Variants in PI4KA observed in about 807,000 individuals in gnomAD.
PI4KA encodes the protein phosphatidylinositol 4-kinase alpha.
Under a neutral mutation model 271.4 loss-of-function variants are expected in PI4KA, and 122 were observed. That is an observed-to-expected ratio of 0.45 (90% confidence interval 0.39 to 0.52). PI4KA has a LOEUF of 0.52. Ranked by LOEUF, PI4KA falls within the 20% of genes least tolerant of loss-of-function variation. The pLI is 0.00. For missense variants in PI4KA, 1,969 were observed against 2,769.1 expected (o/e 0.71, Z 6.48); for synonymous variants, 1,041 against 1,078.8 (o/e 0.96, Z 0.69).
At chr22:20,735,755 G>A (rs2147259426) in intron 32 of PI4KA, among the ~76,000 whole-genome samples, 1 of 152,366 alleles carries the variant, frequency 6.6e-6, no homozygotes, top group African/African-American at 2.4e-5. Flanking sequence ...TCTGTCTGCT[G>A]CTTCCCTCTA....
chr22:20,847,139 C>T (rs1315650200), intron 1 of PI4KA, among the ~76,000 whole-genome samples: 1 of 146,894 alleles, frequency 6.8e-6, no homozygotes, highest in African/African-American at 2.5e-5. Context: ...CAGAGCAAGA[C>T]TCCATCTCAA....
At chr22:20,784,370 A>G (rs897519922) in intron 19 of PI4KA, 185 of 1,290,136 alleles carry the variant, frequency 1.4e-4, no homozygotes, top group Non-Finnish European at 1.9e-4. Context: ...ACTTCCATAC[A>G]GGGCCACTCT....
At chr22:20,807,487 T>C (rs373234753) in intron 9 of PI4KA, 29 bp from the exon 10 acceptor site, 255 of 1,368,704 alleles carry the variant, frequency 1.9e-4, no homozygotes, top group Non-Finnish European at 2.2e-4. Flanking sequence ...CACATGACTA[T>C]AGAACAGAAA....
At chr22:20,848,618 C>G (rs148629728) in intron 1 of PI4KA, among the ~76,000 whole-genome samples, 43 of 152,180 alleles carry the variant, frequency 2.8e-4, no homozygotes, top group Non-Finnish European at 4.9e-4. Flanking sequence ...CGTGCTGAGA[C>G]AACTGGATAT....
chr22:20,725,796 G>T, intron 42 of PI4KA: 1 of 291,156 alleles, frequency 3.4e-6, no homozygotes. Flanking sequence ...CTTGGGAGGG[G>T]TAGCGGGGAA....
At chr22:20,806,628 T>C (rs553522579) in intron 10 of PI4KA, among the ~76,000 whole-genome samples, 2 of 151,494 alleles carry the variant, frequency 1.3e-5, no homozygotes, top group East Asian at 4.0e-4. Flanking sequence ...CCCCAGATCA[T>C]GCCAATGCAC....
chr22:20,824,009 C>T (rs1923051448), intron 4 of PI4KA, among the ~76,000 whole-genome samples: 1 of 151,862 alleles, frequency 6.6e-6, no homozygotes. Context: ...AATGAGCTGC[C>T]TCTGCCTTTT....
chr22:20,771,915 T>C (rs1261380459), intron 19 of PI4KA, among the ~76,000 whole-genome samples: 2 of 151,916 alleles, frequency 1.3e-5, no homozygotes, highest in Non-Finnish European at 1.5e-5. Flanking sequence ...AAGTAATACA[T>C]ACACATAGAA....
chr22:20,708,101 G>A lies in PI4KA; in HGVS notation c.6258-3C>T, dbSNP rs1924737274. The A allele has an allele frequency of 6.2e-7, 1 of 1,613,224 alleles. No homozygotes were observed. The highest frequency in any genetic ancestry group is 8.5e-7 in the Non-Finnish European group (1 of 1,179,250). On this transcript the variant is annotated splice_polypyrimidine_tract_variant and splice_region_variant and intron_variant, in intron 54 of 54. Transcript: ENST00000255882. ...GGATCATGTCGTAGGTCCGGCTCCT[G>A]AAAGGCCAAGGAAGAGTGAAGGGAG...
intron 1 of PI4KA, among the ~76,000 whole-genome samples, chr22:20,840,809 A>G (rs1925452637): frequency 6.6e-6 from 1 of 152,134 alleles, no homozygotes; most frequent in African/African-American, 2.4e-5. Flanking sequence ...TGAGCCCAGG[A>G]GTTTGAGACC....
chr22:20,781,916 A>T (rs1347517120), intron 19 of PI4KA, among the ~76,000 whole-genome samples: 10 of 152,212 alleles, frequency 6.6e-5, no homozygotes, highest in Non-Finnish European at 4.4e-5. Flanking sequence ...GACAGGGCCG[A>T]GGGAAGAACC....
At chr22:20,750,208 G>GT in intron 27 of PI4KA, among the ~76,000 whole-genome samples, 1 of 152,326 alleles carries the variant, frequency 6.6e-6, no homozygotes, top group East Asian at 1.9e-4. Context: ...AATCTGGCCA[G>GT]TATCCTTCCT....
rs1318055292 is a variant in PI4KA, at chr22:20,751,347, G to A, written c.3099C>T (p.Asp1033=). The A allele has an allele frequency of 1.2e-6, 2 of 1,613,946 alleles. No individual in the cohort carries two copies. Among genetic ancestry groups the A allele is most frequent in the African/African-American group, 2.7e-5 (2 of 74,902 alleles). ...ADIHKDQPYY[D]IPDAPYRITV... Reference sequence around the variant, plus strand: ...TGATCCGGTAGGGGGCGTCGGGGATGTCATAGTAAGGCTGATCCTTGTGAA... The same window carrying A: ...TGATCCGGTAGGGGGCGTCGGGGATATCATAGTAAGGCTGATCCTTGTGAA... The change falls in exon 27 of 55, where the codon GAC becomes GAT. Residue 1033 remains aspartate (D), a synonymous_variant. Transcript: ENST00000255882.
chr22:20,829,820 G>C (rs1322674158), intron 3 of PI4KA, among the ~76,000 whole-genome samples: 1 of 152,048 alleles, frequency 6.6e-6, no homozygotes, highest in Non-Finnish European at 1.5e-5. Flanking sequence ...TTCTGCCTTA[G>C]CTGTGTCCCA....
intron 5 of PI4KA, 114 bp downstream of exon 5, chr22:20,820,425 A>T: frequency 1.4e-6 from 1 of 710,450 alleles, no homozygotes; most frequent in Non-Finnish European, 2.4e-6. Flanking sequence ...CTAAAATAGG[A>T]AGGTTTTCTC....
chr22:20,708,046 C>T lies in PI4KA; in HGVS notation c.*1G>A, dbSNP rs534035059. The T allele has an allele frequency of 1.1e-4, 170 of 1,612,334 alleles. No individual in the cohort carries two copies. In the East Asian group the frequency reaches 3.7e-3, roughly 35 times the overall value. On this transcript the variant is annotated 3_prime_UTR_variant, in exon 55 of 55. Coordinates refer to ENST00000255882, the MANE Select transcript of PI4KA (RefSeq NM_058004.4). ...GGCAGAGGCCCTCGAAGGTCCCCTC[C>T]TCAGTAGGGGATGTCATTCTGATAG...
intron 19 of PI4KA, among the ~76,000 whole-genome samples, chr22:20,777,121 C>A (rs956201969): frequency 6.6e-6 from 1 of 151,944 alleles, no homozygotes; most frequent in African/African-American, 2.4e-5. Flanking sequence ...GGCGTGATCA[C>A]GGCTCACTGC....
intron 50 of PI4KA, among the ~76,000 whole-genome samples, chr22:20,711,754 GTTTT>G (rs1008085724): frequency 6.7e-6 from 1 of 150,164 alleles, no homozygotes; most frequent in Non-Finnish European, 1.5e-5. Flanking sequence ...ATGCCCTGGT[GTTTT>G]TTTTTTAAAT....
At chr22:20,733,625 A>G (rs1208283112) in intron 35 of PI4KA, 111 bp downstream of exon 35, 7 of 1,570,262 alleles carry the variant, frequency 4.5e-6, no homozygotes, top group East Asian at 2.3e-5. Flanking sequence ...GGTGAGCACA[A>G]CTGGGCAACT....
Sources: allele counts gnomAD v4.1 joint callset (sites outside exome capture counted in the v4.1 genomes callset), GRCh38; gene constraint gnomAD v4.1.1; transcripts MANE v1.5; gene names NCBI Gene and HGNC (gene_info 2026-07-23, HGNC 2026-07-21).